Variants in TMEM87A observed in about 807,000 individuals in gnomAD.
The protein encoded by TMEM87A is transmembrane protein 87A.
TMEM87A carries 50 observed loss-of-function variants against 90.0 expected under a neutral mutation model. The ratio of observed to expected loss-of-function variants is 0.56; its 90% confidence interval spans 0.44 to 0.70. TMEM87A has a LOEUF of 0.70. Among genes scored for constraint, TMEM87A ranks in the 30% least tolerant of loss-of-function variants. TMEM87A has a pLI of 0.00. For missense variants in TMEM87A, 577 were observed against 660.5 expected (o/e 0.87, Z 1.39); for synonymous variants, 226 against 226.7 (o/e 1.00, Z 0.03).
intron 15 of TMEM87A, among the ~76,000 whole-genome samples, chr15:42,221,589 G>C (rs2050486621): frequency 6.6e-6 from 1 of 151,986 alleles, no homozygotes; most frequent in Admixed American, 6.6e-5. Flanking sequence ...AAAAACAAAA[G>C]CTGGGTGTAG....
intron 9 of TMEM87A, among the ~76,000 whole-genome samples, chr15:42,236,916 G>GA (rs1202434983): frequency 5.3e-5 from 8 of 152,092 alleles, no homozygotes; most frequent in African/African-American, 1.7e-4. Flanking sequence ...GGTCTGACAA[G>GA]AAAAAACTGA....
chr15:42,218,770 C>T (rs1240850838), intron 17 of TMEM87A: 1 of 169,956 alleles, frequency 5.9e-6, no homozygotes, highest in Non-Finnish European at 1.3e-5. Flanking sequence ...AAATAGTATT[C>T]CATTGTATAT....
At chr15:42,212,482 C>T (rs1285949568) in intron 19 of TMEM87A, among the ~76,000 whole-genome samples, 1 of 152,160 alleles carries the variant, frequency 6.6e-6, no homozygotes, top group African/African-American at 2.4e-5. Flanking sequence ...CTGTTCTCCA[C>T]TCCATCCAAG....
intron 8 of TMEM87A, among the ~76,000 whole-genome samples, chr15:42,238,005 ATGTGTG>A (rs200237374): frequency 0.072 from 882 of 12,196 alleles, 11 homozygotes; most frequent in Middle Eastern, 0.17. Context: ...ATATATATAT[ATGTGTG>A]TGTGTGTGTG....
chr15:42,226,957 C>A, intron 14 of TMEM87A, 48 bp from the exon 15 acceptor site: 2 of 1,552,488 alleles, frequency 1.3e-6, no homozygotes, highest in Admixed American at 3.4e-5. Context: ...TATCTTAACC[C>A]CTTGTTCATA....
intron 1 of TMEM87A, among the ~76,000 whole-genome samples, chr15:42,272,382 A>G (rs568224376): frequency 6.6e-6 from 1 of 152,356 alleles, no homozygotes; most frequent in South Asian, 2.1e-4. Flanking sequence ...TTTAGTAACA[A>G]GTAAAAACCT....
intron 19 of TMEM87A, among the ~76,000 whole-genome samples, chr15:42,217,424 G>A (rs911767517): frequency 1.3e-5 from 2 of 151,974 alleles, no homozygotes; most frequent in African/African-American, 4.8e-5. Flanking sequence ...ATTTTGTTTT[G>A]GTCTACTATA....
chr15:42,273,401 T>C lies in TMEM87A; in HGVS notation c.-3A>G. Reference sequence around the variant, plus strand: ...TGAAGCCACGCAGCCGCCGCCATCTTCACAGCCGTGGAGTGCCTACCGAAA... The same window carrying C: ...TGAAGCCACGCAGCCGCCGCCATCTCCACAGCCGTGGAGTGCCTACCGAAA... On this transcript the variant is annotated 5_prime_UTR_variant, in exon 1 of 20. An upstream open reading frame in the 5' UTR loses its in-frame stop. Transcript: ENST00000389834. The C allele has an allele frequency of 6.2e-7, 1 of 1,613,868 alleles. No homozygotes were observed. Among genetic ancestry groups the C allele is most frequent in the Non-Finnish European group, 8.5e-7 (1 of 1,179,976 alleles).
rs141030916 is a variant in TMEM87A at position 42,251,511 on chromosome 15, G to C, written c.505-7344C>G. Reference sequence around the variant, plus strand: ...CTAAGAGTCAGGTCCCTCAGCTGCAGGTCTGTTGGAGTTTGCTGGAGGTCC... The same window carrying C: ...CTAAGAGTCAGGTCCCTCAGCTGCACGTCTGTTGGAGTTTGCTGGAGGTCC... On this transcript the variant is annotated intron_variant, in intron 6 of 19. Coordinates refer to ENST00000389834, the MANE Select transcript of TMEM87A (RefSeq NM_015497.5). Among the ~76,000 whole-genome samples, 219 of 152,300 alleles carry C rather than the reference G, an allele frequency of 1.4e-3. 2 individuals carry two copies. The highest frequency in any genetic ancestry group is 5.2e-3 in the African/African-American group (215 of 41,574).
intron 19 of TMEM87A, among the ~76,000 whole-genome samples, chr15:42,212,866 G>A (rs1307495391): frequency 2.6e-5 from 4 of 151,998 alleles, no homozygotes; most frequent in African/African-American, 4.8e-5. Flanking sequence ...TTCATTTAAG[G>A]TCTTTTTCAG....
chr15:42,273,405 A>C lies in TMEM87A; in HGVS notation c.-7T>G, dbSNP rs778038926. On this transcript the variant is annotated 5_prime_UTR_variant, in exon 1 of 20. Coordinates refer to ENST00000389834, the MANE Select transcript of TMEM87A (RefSeq NM_015497.5). Reference sequence around the variant, plus strand: ...GCCACGCAGCCGCCGCCATCTTCACAGCCGTGGAGTGCCTACCGAAAGCAT... The same window carrying C: ...GCCACGCAGCCGCCGCCATCTTCACCGCCGTGGAGTGCCTACCGAAAGCAT... 2.5e-6 allele frequency: 4 copies of C among 1,613,784 alleles called. No individual in the cohort carries two copies. In the South Asian group the frequency reaches 4.4e-5, roughly 18 times the overall value.
intron 11 of TMEM87A, chr15:42,231,841 T>C (rs1362277752): frequency 1.6e-6 from 2 of 1,259,556 alleles, no homozygotes; most frequent in Non-Finnish European, 2.1e-6. Flanking sequence ...ACTGAAAGGA[T>C]ATCCATAAAA....
intron 7 of TMEM87A, among the ~76,000 whole-genome samples, chr15:42,243,059 G>A (rs2050900790): frequency 6.6e-6 from 1 of 152,088 alleles, no homozygotes; most frequent in South Asian, 2.1e-4. Context: ...AAGGTCAGGA[G>A]ATCGAAACCA....
chr15:42,258,936 T>C, intron 6 of TMEM87A: 1 of 1,161,898 alleles, frequency 8.6e-7, no homozygotes, highest in Non-Finnish European at 1.3e-6. Flanking sequence ...ACTTTGGAAA[T>C]TATTAAAGTC....
chr15:42,249,902 C>A (rs536869738), intron 6 of TMEM87A, among the ~76,000 whole-genome samples: 6 of 152,286 alleles, frequency 3.9e-5, no homozygotes, highest in Middle Eastern at 3.4e-3. Context: ...GTGTGCGAGT[C>A]TAAGTCTCTT....
intron 14 of TMEM87A, among the ~76,000 whole-genome samples, chr15:42,227,403 A>T (rs113756249): frequency 9.9e-4 from 151 of 152,274 alleles, no homozygotes; most frequent in African/African-American, 3.4e-3. Context: ...CTTAATATTT[A>T]GTACTCTGGA....
At chr15:42,271,948 A>G (rs542523194) in intron 2 of TMEM87A, 115 bp downstream of exon 2, 2 of 824,226 alleles carry the variant, frequency 2.4e-6, no homozygotes, top group African/African-American at 3.5e-5. Flanking sequence ...AAAAATATTT[A>G]TACCTAGATA....
rs770825614 is a variant in TMEM87A, at chr15:42,264,105, T to C, written c.390A>G (p.Glu130=). 6 of 1,612,430 alleles carry C rather than the reference T, an allele frequency of 3.7e-6. No individual in the cohort carries two copies. The highest frequency in any genetic ancestry group is 3.3e-5 in the Admixed American group (2 of 59,818). ...CAAAGATTACCTGTGTTTTAAAGAG[T>C]TCACTGCAGTTCTGGAACAATTTTG... ...TSSKLFQNCS[E]LFKTQTFSGD... The change falls in exon 4 of 20, where the codon GAA becomes GAG. Residue 130 remains glutamate, a synonymous_variant. Transcript: ENST00000389834.
At chr15:42,254,964 CTTTTT>C (rs60449122) in intron 6 of TMEM87A, among the ~76,000 whole-genome samples, 7 of 125,400 alleles carry the variant, frequency 5.6e-5, no homozygotes, top group South Asian at 2.7e-4. Flanking sequence ...GGGAGGTCTC[CTTTTT>C]TTTTTTTTTT....
Sources: gnomAD v4.1 joint callset for allele counts (sites outside exome capture counted in the v4.1 genomes callset) on GRCh38, gnomAD v4.1.1 for gene constraint, MANE v1.5 for transcripts, NCBI Gene and HGNC (gene_info 2026-07-23, HGNC 2026-07-21) for gene names.